The following TAFA1 variants were observed in gnomAD, a reference collection of about 807,000 sequenced individuals.
TAFA1 encodes the protein TAFA chemokine like family member 1, also known as chemokine-like protein TAFA-1.
A neutral mutation model predicts 18.5 loss-of-function variants in TAFA1; 4 were observed. The observed-to-expected ratio is 0.22, with a 90% confidence interval of 0.11 to 0.49. The LOEUF (loss-of-function observed/expected upper bound fraction) is 0.49, where lower values mean the gene tolerates loss of function less well. Ranked by LOEUF, TAFA1 falls within the 20% of genes least tolerant of loss-of-function variation. TAFA1 has a pLI of 0.98. For missense variants in TAFA1, 147 were observed against 169.0 expected, an observed-to-expected ratio of 0.87 and a Z score of 0.72; for synonymous variants, 56 against 55.2, an observed-to-expected ratio of 1.01 and a Z score of -0.06.
intron 2 of TAFA1, among the ~76,000 whole-genome samples, chr3:68,180,504 A>G (rs1454359666): frequency 6.6e-6 from 1 of 152,198 alleles, no homozygotes; most frequent in African/African-American, 2.4e-5. Context: ...TTGTCCCAAC[A>G]TAAGAAGTTC....
At chr3:68,264,538 G>T (rs2067502418) in intron 2 of TAFA1, among the ~76,000 whole-genome samples, 1 of 152,128 alleles carries the variant, frequency 6.6e-6, no homozygotes, top group Admixed American at 6.6e-5. Context: ...AGGATGGGTA[G>T]GTAGTGACCG....
intron 2 of TAFA1, among the ~76,000 whole-genome samples, chr3:68,361,703 T>C (rs1293875278): frequency 2.0e-5 from 3 of 151,386 alleles, no homozygotes; most frequent in Non-Finnish European, 4.4e-5. Flanking sequence ...GGGTAAGACA[T>C]GAGAAAGAAA....
chr3:68,204,202 G>A (rs1474916639), intron 2 of TAFA1, among the ~76,000 whole-genome samples: 6 of 151,658 alleles, frequency 4.0e-5, no homozygotes, highest in East Asian at 2.0e-4. Context: ...TTTTCCATTC[G>A]TTGAGCTTTT....
At chr3:68,212,255 T>C (rs1301428458) in intron 2 of TAFA1, among the ~76,000 whole-genome samples, 3 of 151,116 alleles carry the variant, frequency 2.0e-5, no homozygotes, top group African/African-American at 7.3e-5. Context: ...TTAGTGTGGC[T>C]GAAGCAAAGT....
chr3:68,453,081 A>G (rs1010895445), intron 3 of TAFA1, among the ~76,000 whole-genome samples: 1 of 152,156 alleles, frequency 6.6e-6, no homozygotes, highest in African/African-American at 2.4e-5. Flanking sequence ...TTTCAGTAAG[A>G]TTCAAAAAAT....
intron 2 of TAFA1, among the ~76,000 whole-genome samples, chr3:68,041,836 C>T (rs1705171628): frequency 6.6e-6 from 1 of 152,128 alleles, no homozygotes. Context: ...ATAGAGGACC[C>T]AAGAAGGTAT....
chr3:68,490,132 T>C (rs545089378), intron 3 of TAFA1, among the ~76,000 whole-genome samples: 1 of 152,352 alleles, frequency 6.6e-6, no homozygotes, highest in East Asian at 1.9e-4. Flanking sequence ...CCAATACTTA[T>C]GGACTTTTCT....
chr3:68,490,171 C>A (rs2072424906), intron 3 of TAFA1, among the ~76,000 whole-genome samples: 1 of 152,028 alleles, frequency 6.6e-6, no homozygotes, highest in Non-Finnish European at 1.5e-5. Context: ...ATTTAAAAAC[C>A]ACTACTTTTA....
At chr3:68,391,119 G>A (rs896330467) in intron 2 of TAFA1, among the ~76,000 whole-genome samples, 1 of 152,178 alleles carries the variant, frequency 6.6e-6, no homozygotes, top group Non-Finnish European at 1.5e-5. Context: ...CTTGATAAAA[G>A]GTTACAGGAA....
chr3:68,329,269 C>T (rs114803958), intron 2 of TAFA1, among the ~76,000 whole-genome samples: 9,588 of 135,984 alleles, frequency 0.071, 626 homozygotes, highest in African/African-American at 0.16. Context: ...GGTTTCACCA[C>T]GTTAGTCAGG....
chr3:68,021,452 G>C (rs371539432), intron 2 of TAFA1, among the ~76,000 whole-genome samples: 1 of 151,976 alleles, frequency 6.6e-6, no homozygotes, highest in Non-Finnish European at 1.5e-5. Flanking sequence ...TTCAATAATT[G>C]TGTTGTTCTT....
At chr3:68,297,031 T>C (rs2068219567) in intron 2 of TAFA1, among the ~76,000 whole-genome samples, 1 of 152,148 alleles carries the variant, frequency 6.6e-6, no homozygotes, top group South Asian at 2.1e-4. Flanking sequence ...TGCAGGTAGA[T>C]GGAACAGCAT....
At chr3:68,027,250 T>C (rs1001388131) in intron 2 of TAFA1, among the ~76,000 whole-genome samples, 2 of 152,110 alleles carry the variant, frequency 1.3e-5, no homozygotes, top group South Asian at 2.1e-4. Flanking sequence ...CCTTTTGAGG[T>C]AGACTATTTC....
intron 2 of TAFA1, among the ~76,000 whole-genome samples, chr3:68,258,826 T>A (rs2067349278): frequency 6.6e-6 from 1 of 152,220 alleles, no homozygotes; most frequent in Admixed American, 6.5e-5. Context: ...ATCAGAAATA[T>A]GCTAGGGCAT....
At chr3:68,512,522 G>A (rs550704501) in intron 3 of TAFA1, among the ~76,000 whole-genome samples, 8 of 152,094 alleles carry the variant, frequency 5.3e-5, no homozygotes, top group African/African-American at 1.9e-4. Flanking sequence ...AGGGCCAAGA[G>A]AATTGGCTAA....
intron 2 of TAFA1, among the ~76,000 whole-genome samples, chr3:68,374,022 C>T (rs191657955): frequency 2.8e-4 from 43 of 152,200 alleles, no homozygotes; most frequent in African/African-American, 8.9e-4. Flanking sequence ...CAATGTCTCC[C>T]GGAACCTGAG....
intron 3 of TAFA1, among the ~76,000 whole-genome samples, chr3:68,536,630 C>A (rs879510926): frequency 3.3e-5 from 5 of 152,132 alleles, no homozygotes; most frequent in Non-Finnish European, 7.4e-5. Flanking sequence ...GTGTAGAAAT[C>A]ATTTTTCAAT....
intron 3 of TAFA1, among the ~76,000 whole-genome samples, chr3:68,501,122 C>A (rs1293885305): frequency 2.7e-5 from 4 of 149,002 alleles, no homozygotes; most frequent in African/African-American, 1.0e-4. Context: ...GACACTGCAC[C>A]CCAGCCTGTG....
At chr3:68,276,502 A>G (rs1277728620) in intron 2 of TAFA1, among the ~76,000 whole-genome samples, 1 of 151,924 alleles carries the variant, frequency 6.6e-6, no homozygotes, top group Non-Finnish European at 1.5e-5. Context: ...GTGGGTTTTC[A>G]GTTGATTTGT....
Sources: gnomAD v4.1 joint callset for allele counts (sites outside exome capture counted in the v4.1 genomes callset) on GRCh38, gnomAD v4.1.1 for gene constraint, MANE v1.5 for transcripts, NCBI Gene and HGNC (gene_info 2026-07-23, HGNC 2026-07-21) for gene names.